The following CLBA1 variants were observed in gnomAD, a reference collection of about 807,000 sequenced individuals.
CLBA1 encodes the protein uncharacterized protein CLBA1.
Under a neutral mutation model 28.8 loss-of-function variants are expected in CLBA1, and 30 were observed. The ratio of observed to expected loss-of-function variants is 1.04; its 90% CI spans 0.78 to 1.41. The LOEUF (loss-of-function observed/expected upper bound fraction) is 1.41. CLBA1 is among the 40% of genes most tolerant of loss of function. The pLI is 0.00. For missense variants in CLBA1, 451 were observed against 412.3 expected (o/e 1.09, Z -0.81); for synonymous variants, 160 against 152.8 (o/e 1.05, Z -0.35).
chr14:104,988,232 C>G (rs746525882), intron 1 of CLBA1, among the ~76,000 whole-genome samples: 9 of 152,190 alleles, frequency 5.9e-5, no homozygotes, highest in Non-Finnish European at 1.2e-4. Flanking sequence ...AGGACTTCAC[C>G]CGGTTCAGAC....
In CLBA1 at chr14:104,995,297, C is replaced by G. The variant is rs1370224783; in HGVS notation, c.*538C>G. ...TGTGTCCTCAGAGCCTCGCAGGTGC[C>G]CTCACTTACTGCCTGGGCCCCTGCC... is the stretch of plus-strand genomic sequence containing the variant. On this transcript the variant is annotated 3_prime_UTR_variant, in exon 5 of 5. Transcript: ENST00000547315. 2 of 985,356 alleles carry G rather than the reference C, an allele frequency of 2.0e-6. No individual in the cohort carries two copies. Among genetic ancestry groups the G allele is most frequent in the African/African-American group, 3.5e-5 (2 of 57,196 alleles). The allele number at this position is 985,356 out of a possible 1,614,324, so 61.0% of individuals were successfully genotyped here.
chr14:104,993,349 G>A (rs11623399), intron 4 of CLBA1: 3 of 985,326 alleles, frequency 3.0e-6, no homozygotes, highest in Admixed American at 6.1e-5. Context: ...GAGAGCTGCA[G>A]GGAAGCTGAG....
downstream of CLBA1, chr14:104,999,228 G>A (rs1439426332): frequency 2.0e-6 from 2 of 985,318 alleles, no homozygotes; most frequent in Non-Finnish European, 2.4e-6. Context: ...TAGAGGCCCT[G>A]AAGGAACGTG....
chr14:104,987,606 C>CTTTTTT (rs869117577), intron 1 of CLBA1, among the ~76,000 whole-genome samples: 5,495 of 60,166 alleles, frequency 0.091, 484 homozygotes, highest in Non-Finnish European at 0.12. Context: ...TCTTCCTTTT[C>CTTTTTT]TTTTTTTTTT....
chr14:104,996,439 G>A (rs1900156760), downstream of CLBA1, among the ~76,000 whole-genome samples: 1 of 152,230 alleles, frequency 6.6e-6, no homozygotes, highest in Non-Finnish European at 1.5e-5. Context: ...GAGTGCTCAG[G>A]AAGAAAGTGC....
At chr14:104,987,439 G>A (rs1455883540) in intron 1 of CLBA1, among the ~76,000 whole-genome samples, 2 of 151,942 alleles carry the variant, frequency 1.3e-5, no homozygotes, top group Non-Finnish European at 2.9e-5. Context: ...TGACACTTCC[G>A]CTCCTTCTCT....
intron 3 of CLBA1, 50 bp from the exon 4 acceptor site, chr14:104,992,895 CAGG>C (rs1900074355): frequency 7.2e-7 from 1 of 1,395,344 alleles, no homozygotes; most frequent in Non-Finnish European, 1.0e-6. Flanking sequence ...GAAAAGGAAA[CAGG>C]AGACAAAATG....
downstream of CLBA1, among the ~76,000 whole-genome samples, chr14:105,000,421 G>A (rs868343413): frequency 3.3e-5 from 5 of 151,796 alleles, no homozygotes; most frequent in East Asian, 1.9e-4. Context: ...ACAGGCGCCC[G>A]CCACCATGCC....
In CLBA1 at chr14:104,992,982, A is replaced by T; in HGVS notation, c.734A>T (p.Asp245Val). ...LSGGQGHIME[D>V]CDLKEPEGLL... ...GGAGGCCAGGGCCACATCATGGAAG[A>T]TTGTGACCTCAAAGAGCCTGAAGGA... Residue 245 changes from aspartate (D) to valine (V), a missense_variant, in exon 4 of 5, where the codon GAT becomes GTT. Physicochemically the swap from Asp to Val is radical, Grantham distance 152 (BLOSUM62 -3). Coordinates refer to ENST00000547315, the MANE Select transcript of CLBA1 (RefSeq NM_174891.4). 1 of 1,614,130 alleles carries T rather than the reference A, an allele frequency of 6.2e-7. No homozygotes were observed. The highest frequency in any genetic ancestry group is 1.7e-4 in the Middle Eastern group (1 of 6,060).
downstream of CLBA1, among the ~76,000 whole-genome samples, chr14:104,996,865 A>T (rs1011957068): frequency 6.6e-6 from 1 of 152,272 alleles, no homozygotes; most frequent in Non-Finnish European, 1.5e-5. Context: ...AGCTAGCTCA[A>T]CTACCGGGAA....
intron 2 of CLBA1, 114 bp from the exon 3 acceptor site, chr14:104,991,377 C>T (rs1023050199): frequency 9.3e-6 from 12 of 1,289,340 alleles, no homozygotes; most frequent in African/African-American, 8.9e-5. Flanking sequence ...GGCTTGTGCG[C>T]GTCTCGGCTT....
intron 4 of CLBA1, chr14:104,993,524 C>T (rs1036652758): frequency 5.1e-6 from 5 of 985,358 alleles, no homozygotes; most frequent in Non-Finnish European, 6.0e-6. Flanking sequence ...CAGCTTTTCT[C>T]TCATGAGCCG....
downstream of CLBA1, chr14:104,999,282 C>G: frequency 2.1e-6 from 2 of 971,268 alleles, no homozygotes; most frequent in Non-Finnish European, 2.4e-6. Context: ...CTCATTCTTT[C>G]TAGTGGACGT....
intron 3 of CLBA1, among the ~76,000 whole-genome samples, chr14:104,992,255 C>A (rs1900055929): frequency 6.6e-6 from 1 of 152,114 alleles, no homozygotes; most frequent in Non-Finnish European, 1.5e-5. Flanking sequence ...ACACACCACA[C>A]ACGCCACCAC....
intron 2 of CLBA1, 113 bp from the exon 3 acceptor site, chr14:104,991,378 G>C (rs1035874043): frequency 1.5e-6 from 2 of 1,313,482 alleles, no homozygotes; most frequent in East Asian, 4.9e-5. Context: ...GCTTGTGCGC[G>C]TCTCGGCTTG....
intron 1 of CLBA1, 48 bp from the exon 2 acceptor site, chr14:104,988,895 G>A (rs747473991): frequency 1.3e-6 from 2 of 1,521,570 alleles, no homozygotes; most frequent in East Asian, 2.3e-5. Flanking sequence ...GTAACGTTAT[G>A]TATGTCTTTC....
chr14:104,986,621 T>C lies in CLBA1; in HGVS notation c.190T>C (p.Cys64Arg), dbSNP rs1052821417. ...ISMPREGGSTCTARCPDPGEH... is the reference protein window; with the variant it reads ...ISMPREGGSTRTARCPDPGEH... The stretch of plus-strand genomic sequence containing the variant: ...CATGCCCCGTGAGGGCGGTTCCACC[T>C]GCACTGCCCGATGTCCTGACCCTGG... The change falls in exon 1 of 5, where the codon TGC becomes CGC. Residue 64 changes from cysteine (C) to arginine (R), a missense_variant. Physicochemically the swap from Cys to Arg is radical, Grantham distance 180. Coordinates refer to ENST00000547315, the MANE Select transcript of CLBA1 (RefSeq NM_174891.4). The C allele has an allele frequency of 2.0e-5, 33 of 1,614,012 alleles. No homozygotes were observed. The highest frequency in any genetic ancestry group is 2.7e-5 in the African/African-American group (2 of 74,944).
In CLBA1 at chr14:104,995,081, G is replaced by A. The variant is rs986306454; in HGVS notation, c.*322G>A. On this transcript the variant is annotated 3_prime_UTR_variant, in exon 5 of 5. Transcript: ENST00000547315. The stretch of plus-strand genomic sequence containing the variant: ...GGGGGGTTGCCCAGGGATGGACCCT[G>A]GGCATGGCTTCTGGGCTGCTTAGTC... 7.8e-6 allele frequency: 8 copies of A among 1,030,554 alleles called. No homozygotes were observed. In the Admixed American group the frequency reaches 4.4e-4, roughly 57 times the overall value. The allele number at this position is 1,030,554 out of a possible 1,614,324, so 63.8% of individuals were successfully genotyped here. A position where few individuals can be genotyped will look rare whatever the true frequency, so the allele number is the denominator to read the frequency against.
At chr14:104,994,218 G>A (rs893735138) in intron 4 of CLBA1, 16 of 985,322 alleles carry the variant, frequency 1.6e-5, no homozygotes, top group South Asian at 4.7e-5. Flanking sequence ...ACGTCCAGCC[G>A]CAGCTGTTTG....
Sources: gnomAD v4.1 joint callset for allele counts (sites outside exome capture counted in the v4.1 genomes callset) on GRCh38, gnomAD v4.1.1 for gene constraint, MANE v1.5 for transcripts, NCBI Gene and HGNC (gene_info 2026-07-23, HGNC 2026-07-21) for gene names.